The following TTC9 variants were observed in gnomAD, a reference collection of about 807,000 sequenced individuals.
TTC9 encodes tetratricopeptide repeat protein 9A.
Under a neutral mutation model 22.9 loss-of-function variants are expected in TTC9, and 13 were observed. The observed-to-expected ratio is 0.57, with a 90% CI of 0.37 to 0.90. The LOEUF is 0.90. Ranked by LOEUF, TTC9 falls within the 40% of genes least tolerant of loss-of-function variation. The probability of loss-of-function intolerance (pLI) is 0.01; values close to 1 mark genes in which losing one functional copy is unlikely to be tolerated. For synonymous variants in TTC9, 148 were observed against 133.2 expected (o/e 1.11, Z -0.77); for missense variants, 280 against 291.8 (o/e 0.96, Z 0.29).
intron 1 of TTC9, among the ~76,000 whole-genome samples, chr14:70,653,955 C>T (rs757190174): frequency 1.3e-5 from 2 of 152,184 alleles, no homozygotes; most frequent in Admixed American, 6.5e-5. Context: ...CTGGCAGCCT[C>T]GGGACTGCCC....
chr14:70,656,210 TAC>T (rs34334641), intron 1 of TTC9, among the ~76,000 whole-genome samples: 59,085 of 147,666 alleles, frequency 0.4, 12,129 homozygotes, highest in East Asian at 0.68. Flanking sequence ...TTCACCCTGA[TAC>T]ACACACACAC....
intron 1 of TTC9, among the ~76,000 whole-genome samples, chr14:70,652,696 GC>G (rs1259265516): frequency 6.6e-6 from 1 of 152,266 alleles, no homozygotes; most frequent in Non-Finnish European, 1.5e-5. Flanking sequence ...AGGCTGGAAA[GC>G]CCTGGGGATT....
At chr14:70,662,605 C>T (rs148749943) in intron 1 of TTC9, among the ~76,000 whole-genome samples, 38 of 152,286 alleles carry the variant, frequency 2.5e-4, no homozygotes, top group Non-Finnish European at 3.8e-4. Flanking sequence ...AAGTGGCAAA[C>T]ATTTGTATTT....
At chr14:70,652,212 A>G (rs1230666658) in intron 1 of TTC9, among the ~76,000 whole-genome samples, 1 of 152,186 alleles carries the variant, frequency 6.6e-6, no homozygotes, top group Non-Finnish European at 1.5e-5. Flanking sequence ...GATTTGGGGA[A>G]GGAAACAGGA....
Position 70,642,095 on chromosome 14 carries a change from T to C in TTC9, c.-35T>C. The C allele has an allele frequency of 9.4e-7, 1 of 1,060,942 alleles. No individual in the cohort carries two copies. The highest frequency in any genetic ancestry group is 1.1e-6 in the Non-Finnish European group (1 of 880,892). 65.7% of individuals were successfully genotyped at this position (1,060,942 alleles called of 1,614,324 possible). On this transcript the variant is annotated 5_prime_UTR_variant, in exon 1 of 3. Coordinates refer to ENST00000256367, the MANE Select transcript of TTC9 (RefSeq NM_015351.2). ...GGCGGCGGCGGCGGCGGCGGGCAGA[T>C]CGCGGCGCGCACCAGGCGCCGGGGC...
At chr14:70,642,631 C>A (rs1885840224) in intron 1 of TTC9, 96 bp downstream of exon 1, 2 of 1,222,586 alleles carry the variant, frequency 1.6e-6, no homozygotes, top group Non-Finnish European at 2.2e-6. Flanking sequence ...GATTCTCCTG[C>A]TGTGACTGTG....
At position 70,641,999 on chromosome 14, in the gene TTC9, G is replaced by A. The variant is rs1373679864; in HGVS notation, c.-131G>A. 1 of 513,088 alleles carries A rather than the reference G, an allele frequency of 1.9e-6. No homozygotes were observed. The highest frequency in any genetic ancestry group is 2.1e-5 in the African/African-American group (1 of 47,902). The allele number at this position is 513,088 out of a possible 1,614,324, so 31.8% of individuals were successfully genotyped here. ...AGTGCGGGGCGCCAGACCGCCGCGG[G>A]GTGTCACGGCCGCCACGAAGCCTGC... On this transcript the variant is annotated 5_prime_UTR_variant, in exon 1 of 3. Transcript: ENST00000256367.
At chr14:70,643,147 T>C (rs1341924097) in intron 1 of TTC9, among the ~76,000 whole-genome samples, 1 of 152,224 alleles carries the variant, frequency 6.6e-6, no homozygotes, top group Non-Finnish European at 1.5e-5. Context: ...GGTGAAGATC[T>C]CTATCTCAAA....
intron 1 of TTC9, among the ~76,000 whole-genome samples, chr14:70,649,202 G>A (rs56318677): frequency 0.072 from 10,961 of 152,062 alleles, 611 homozygotes; most frequent in East Asian, 0.18. Flanking sequence ...TAATAATAAT[G>A]GTATCAGTAA....
chr14:70,649,455 T>C (rs1337183948), intron 1 of TTC9, among the ~76,000 whole-genome samples: 1 of 152,236 alleles, frequency 6.6e-6, no homozygotes, highest in African/African-American at 2.4e-5. Context: ...ATATATAATT[T>C]CATTTGATCT....
chr14:70,667,560 A>C lies in TTC9; in HGVS notation c.407-4A>C. 1 of 1,613,936 alleles carries C rather than the reference A, an allele frequency of 6.2e-7. No individual in the cohort carries two copies. Among genetic ancestry groups the C allele is most frequent in the Non-Finnish European group, 8.5e-7 (1 of 1,179,900 alleles). Reference sequence around the variant, plus strand: ...GATGGCATTTTCCCTCCCTTCCTCCATAGCCTGCCTGCTCCAGGCTGAGCT... The same window carrying C: ...GATGGCATTTTCCCTCCCTTCCTCCCTAGCCTGCCTGCTCCAGGCTGAGCT... On this transcript the variant is annotated splice_polypyrimidine_tract_variant and splice_region_variant and intron_variant, in intron 1 of 2. Coordinates refer to ENST00000256367, the MANE Select transcript of TTC9 (RefSeq NM_015351.2).
At chr14:70,650,240 G>A (rs770620981) in intron 1 of TTC9, among the ~76,000 whole-genome samples, 5 of 152,122 alleles carry the variant, frequency 3.3e-5, no homozygotes, top group Non-Finnish European at 7.4e-5. Context: ...TGGCCAACAT[G>A]GTGAGAACCC....
rs1886316556 is a variant in TTC9, at chr14:70,672,886, A to G, written c.*1731A>G. On this transcript the variant is annotated 3_prime_UTR_variant, in exon 3 of 3. Transcript: ENST00000256367. Reference sequence around the variant, plus strand: ...GACTCCAGAGCTCTGGCTAGTATCTATGCTATACTTAGTTGCCTCTCTGTA... The same window carrying G: ...GACTCCAGAGCTCTGGCTAGTATCTGTGCTATACTTAGTTGCCTCTCTGTA... 6.6e-6 allele frequency: 1 copy of G among 152,232 alleles called. No individual in the cohort carries two copies. The highest frequency in any genetic ancestry group is 1.5e-5 in the Non-Finnish European group (1 of 68,048). The allele number at this position is 152,232 out of a possible 1,614,324, so 9.4% of individuals were successfully genotyped here.
At chr14:70,661,075 TCC>T (rs1353513917) in intron 1 of TTC9, among the ~76,000 whole-genome samples, 1 of 152,154 alleles carries the variant, frequency 6.6e-6, no homozygotes, top group Non-Finnish European at 1.5e-5. Context: ...CAGGGTTGGT[TCC>T]CTCTGAGGGC....
At chr14:70,667,257 G>A (rs558216288) in intron 1 of TTC9, among the ~76,000 whole-genome samples, 1 of 152,312 alleles carries the variant, frequency 6.6e-6, no homozygotes, top group African/African-American at 2.4e-5. Context: ...TAAAGATCCT[G>A]TCTCCAAATA....
At chr14:70,666,644 T>C (rs1886220256) in intron 1 of TTC9, among the ~76,000 whole-genome samples, 1 of 152,238 alleles carries the variant, frequency 6.6e-6, no homozygotes, top group Non-Finnish European at 1.5e-5. Flanking sequence ...GCCAGACAGC[T>C]TCAGCTTAAA....
Position 70,671,411 on chromosome 14 carries a change from C to G in TTC9, c.*256C>G. The G allele has an allele frequency of 2.5e-6, 1 of 394,776 alleles. No individual in the cohort carries two copies. The highest frequency in any genetic ancestry group is 4.8e-6 in the Non-Finnish European group (1 of 209,832). 24.5% of individuals were successfully genotyped at this position (394,776 alleles called of 1,614,324 possible). A position where few individuals can be genotyped will look rare whatever the true frequency, so the allele number is the denominator to read the frequency against. Reference sequence around the variant, plus strand: ...TCAGCGACTGAGAGGGGCCTGACTTCTGCTGGGACAGCTGGAGAGGAGTCT... The same window carrying G: ...TCAGCGACTGAGAGGGGCCTGACTTGTGCTGGGACAGCTGGAGAGGAGTCT... On this transcript the variant is annotated 3_prime_UTR_variant, in exon 3 of 3. Coordinates refer to ENST00000256367, the MANE Select transcript of TTC9 (RefSeq NM_015351.2).
chr14:70,653,299 C>T (rs924817741), intron 1 of TTC9, among the ~76,000 whole-genome samples: 5 of 152,070 alleles, frequency 3.3e-5, no homozygotes, highest in South Asian at 2.1e-4. Flanking sequence ...TGGGGAAACA[C>T]GGGAAGCAAG....
chr14:70,664,821 C>T (rs1886191866), intron 1 of TTC9, among the ~76,000 whole-genome samples: 1 of 152,256 alleles, frequency 6.6e-6, no homozygotes, highest in South Asian at 2.1e-4. Flanking sequence ...TTTCTGGGCC[C>T]TGTCTGTGGT....
Sources: gnomAD v4.1 joint callset for allele counts (sites outside exome capture counted in the v4.1 genomes callset) on GRCh38, gnomAD v4.1.1 for gene constraint, MANE v1.5 for transcripts, NCBI Gene and HGNC (gene_info 2026-07-23, HGNC 2026-07-21) for gene names.